The following DLGAP3 variants were observed in gnomAD, a reference collection of about 807,000 sequenced individuals.
DLGAP3 encodes disks large-associated protein 3.
In DLGAP3, 17 loss-of-function variants were observed where a neutral mutation model predicts 81.2. That is an observed-to-expected ratio of 0.21 (90% confidence interval 0.14 to 0.31). The LOEUF (loss-of-function observed/expected upper bound fraction) is 0.31, where lower values mean the gene tolerates loss of function less well. Among genes scored for constraint, DLGAP3 ranks in the 10% least tolerant of loss-of-function variants. The pLI is 1.00. For missense variants in DLGAP3, 1,124 were observed against 1,388.0 expected (o/e 0.81, Z 3.02); for synonymous variants, 577 against 587.4 (o/e 0.98, Z 0.26).
At chr1:34,884,246 G>A (rs992301639) in intron 8 of DLGAP3, among the ~76,000 whole-genome samples, 1 of 151,906 alleles carries the variant, frequency 6.6e-6, no homozygotes, top group South Asian at 2.1e-4. Context: ...TCCTCCAGTC[G>A]TATGGCCTGG....
intron 1 of DLGAP3, among the ~76,000 whole-genome samples, chr1:34,919,187 G>C (rs1639763918): frequency 6.6e-6 from 1 of 152,164 alleles, no homozygotes; most frequent in Admixed American, 6.5e-5. Flanking sequence ...GAGCCTGGAA[G>C]GGGCTCTATC....
At chr1:34,896,941 C>G (rs1489035332) in intron 5 of DLGAP3, among the ~76,000 whole-genome samples, 1 of 152,102 alleles carries the variant, frequency 6.6e-6, no homozygotes, top group Non-Finnish European at 1.5e-5. Flanking sequence ...AAGGGGTAAT[C>G]ACAGATAATC....
intron 8 of DLGAP3, among the ~76,000 whole-genome samples, chr1:34,878,267 A>G (rs1158648573): frequency 6.6e-6 from 1 of 152,102 alleles, no homozygotes; most frequent in Non-Finnish European, 1.5e-5. Context: ...GATCACGCCA[A>G]TGCACTCCAG....
At chr1:34,866,469 TC>T (rs1242987248) in intron 11 of DLGAP3, among the ~76,000 whole-genome samples, 168 bp from the exon 12 acceptor site, 4 of 152,076 alleles carry the variant, frequency 2.6e-5, no homozygotes, top group Non-Finnish European at 5.9e-5. Context: ...GTGCTCCTGT[TC>T]CGACAAGGTC....
chr1:34,883,789 A>C (rs1639180314), intron 8 of DLGAP3, among the ~76,000 whole-genome samples: 1 of 151,974 alleles, frequency 6.6e-6, no homozygotes, highest in Non-Finnish European at 1.5e-5. Flanking sequence ...TAGGAACACC[A>C]AAAAAACTTC....
At chr1:34,887,371 G>C (rs558696595) in intron 5 of DLGAP3, among the ~76,000 whole-genome samples, 92 of 150,662 alleles carry the variant, frequency 6.1e-4, no homozygotes, top group Non-Finnish European at 9.2e-4. Context: ...TTCTGGTTTT[G>C]TTTTTCGTAT....
chr1:34,928,388 G>A (rs572245305), intron 1 of DLGAP3, among the ~76,000 whole-genome samples: 12 of 152,134 alleles, frequency 7.9e-5, no homozygotes, highest in African/African-American at 2.7e-4. Flanking sequence ...AGCAGCACAC[G>A]CAGGCACATA....
chr1:34,869,007 T>A lies in DLGAP3; in HGVS notation c.2083A>T (p.Thr695Ser). ...AGGGCCTTGTCTTCTGTGGCCACCG[T>A]GGCCAGGCCTGCCAGGCCCTCCAGC... is the stretch of plus-strand genomic sequence containing the variant. The part of the protein sequence containing the change: ...LELEGLAGLA[T>S]VATEDKALQF... Residue 695 changes from threonine (T) to serine (S), a missense_variant, in exon 9 of 12, where the codon ACG becomes TCG. Around this residue, in one of 9 missense-constraint regions of DLGAP3, gnomAD observed 379 missense variants for 455.7 expected, o/e 0.83. Transcript: ENST00000373347. 6.2e-7 allele frequency: 1 copy of A among 1,605,144 alleles called. No homozygotes were observed. The highest frequency in any genetic ancestry group is 1.1e-5 in the South Asian group (1 of 90,836).
At chr1:34,874,930 TA>T (rs934235243) in intron 8 of DLGAP3, among the ~76,000 whole-genome samples, 1 of 151,990 alleles carries the variant, frequency 6.6e-6, no homozygotes, top group African/African-American at 2.4e-5. Context: ...TCTAAGAGCC[TA>T]AACATATAAT....
In DLGAP3 at chr1:34,873,813, CTGGT is replaced by C. The variant is rs149504598; in HGVS notation, c.2001-4728_2001-4725del. On this transcript the variant is annotated intron_variant, in intron 8 of 11. Transcript: ENST00000373347. The surrounding 1 kb of genome is among the most constrained non-coding windows in gnomAD (Gnocchi z 4.2). ...TCACTAAATAGGGCAGTTCATCACACTGGTTGGTTGGTTGGTTGGTTGGTTGGTT... is the reference window on the plus strand; with the variant it reads ...TCACTAAATAGGGCAGTTCATCACACTGGTTGGTTGGTTGGTTGGTTGGTT... 0.05 allele frequency among the ~76,000 whole-genome samples: 7,611 copies of C among 151,076 alleles called. 204 individuals are homozygous for C. Among genetic ancestry groups the C allele is most frequent in the Middle Eastern group, 0.089 (26 of 292 alleles).
At chr1:34,912,151 C>G (rs1006113576) in intron 1 of DLGAP3, among the ~76,000 whole-genome samples, 1 of 152,194 alleles carries the variant, frequency 6.6e-6, no homozygotes, top group African/African-American at 2.4e-5. Flanking sequence ...GCATATAAAT[C>G]CCTTAGAACT....
In DLGAP3 at chr1:34,867,294, C is replaced by A; in HGVS notation, c.2578-103G>T. The stretch of plus-strand genomic sequence containing the variant: ...CCACCCTTACTGCCAGGAAGCTCAG[C>A]CTGGGAGAGTGGGTGGGGGCTGGGA... On this transcript the variant is annotated intron_variant, in intron 10 of 11. Transcript: ENST00000373347. This position sits in a 1 kb window ranked among gnomAD's most constrained non-coding sequence, Gnocchi z 4.3. The A allele has an allele frequency of 6.5e-7, 1 of 1,539,272 alleles. No individual in the cohort carries two copies. The highest frequency in any genetic ancestry group is 8.9e-7 in the Non-Finnish European group (1 of 1,117,690).
Position 34,868,712 on chromosome 1 carries a change from C to T in DLGAP3, c.2378G>A (p.Arg793His), listed in dbSNP as rs1265217620. The T allele has an allele frequency of 3.1e-6, 5 of 1,610,862 alleles. No individual in the cohort carries two copies. Among genetic ancestry groups the T allele is most frequent in the Non-Finnish European group, 4.2e-6 (5 of 1,179,938 alleles). The change falls in exon 9 of 12, where the codon CGC becomes CAC. Residue 793 changes from arginine to histidine, a missense_variant. Coordinates refer to ENST00000373347, the MANE Select transcript of DLGAP3 (RefSeq NM_001080418.3). This position sits in a 1 kb window ranked among gnomAD's most constrained non-coding sequence, Gnocchi z 7.5. ...CATCTTGATGAACCACTCGCCGTCGCGTGGGCAGGGGGATGCGCGGCCTGA... is the reference window on the plus strand; with the variant it reads ...CATCTTGATGAACCACTCGCCGTCGTGTGGGCAGGGGGATGCGCGGCCTGA... ...PDSGRASPCP[R>H]DGEWFIKMLR...
intron 5 of DLGAP3, among the ~76,000 whole-genome samples, chr1:34,893,178 C>CAAAAA (rs58802413): frequency 4.7e-5 from 4 of 84,806 alleles, no homozygotes; most frequent in Non-Finnish European, 7.0e-5. Context: ...GACTCCGTCT[C>CAAAAA]AAAAAAAAAA....
chr1:34,866,237 T>C lies in DLGAP3; in HGVS notation c.2786A>G (p.Lys929Arg), dbSNP rs1024309598. The C allele has an allele frequency of 1.9e-6, 3 of 1,577,740 alleles. No individual in the cohort carries two copies. The highest frequency in any genetic ancestry group is 2.6e-6 in the Non-Finnish European group (3 of 1,165,126). ...KPLRGRGVPVKERSLDSVDRQ... is the reference protein window; with the variant it reads ...KPLRGRGVPVRERSLDSVDRQ... ...GTCCACGGAGTCCAGGGAGCGCTCC[T>C]TCACCGGCACGCCCCGGCCCCGCAG... The change falls in exon 12 of 12, where the codon AAG becomes AGG. Residue 929 changes from lysine (K) to arginine (R), a missense_variant. Lys to Arg is a conservative substitution (Grantham distance 26). Transcript: ENST00000373347.
At chr1:34,915,597 A>G (rs1639704870) in intron 1 of DLGAP3, among the ~76,000 whole-genome samples, 2 of 152,206 alleles carry the variant, frequency 1.3e-5, no homozygotes, top group South Asian at 4.1e-4. Flanking sequence ...TCTAGCAACA[A>G]GGCCTGAGCC....
chr1:34,921,841 G>C (rs916921954), intron 1 of DLGAP3, among the ~76,000 whole-genome samples: 1 of 152,212 alleles, frequency 6.6e-6, no homozygotes, highest in Admixed American at 6.5e-5. Flanking sequence ...GTATGTGCAT[G>C]CTGACAAATC....
chr1:34,911,515 G>A lies in DLGAP3; in HGVS notation c.-134-4078C>T, dbSNP rs758484006. Among the ~76,000 whole-genome samples the A allele has an allele frequency of 1.4e-4, 21 of 152,148 alleles. 1 individual carries two copies. The highest frequency in any genetic ancestry group is 3.6e-4 in the African/African-American group (15 of 41,438). ...TGCCCGAATGGTGAAGCTGGGGGCC[G>A]ACGGAAGCAGCCACTTTTGCAGTAG... On this transcript the variant is annotated intron_variant, in intron 1 of 11. Coordinates refer to ENST00000373347, the MANE Select transcript of DLGAP3 (RefSeq NM_001080418.3).
Position 34,866,122 on chromosome 1 carries a change from G to A in DLGAP3, c.2901C>T (p.Ser967=). The A allele has an allele frequency of 6.3e-7, 1 of 1,598,842 alleles. No individual in the cohort carries two copies. Among genetic ancestry groups the A allele is most frequent in the Non-Finnish European group, 8.5e-7 (1 of 1,178,960 alleles). ...GGGCCTCGGGGATGTAGATCTCGAT[G>A]CTGTCGGCGCTCTCGGTGGCCGAGC... ...RHSSATESAD[S]IEIYIPEAQT... is the part of the protein sequence containing the mutation. Residue 967 remains serine (S), a synonymous_variant, in exon 12 of 12, where the codon AGC becomes AGT. Coordinates refer to ENST00000373347, the MANE Select transcript of DLGAP3 (RefSeq NM_001080418.3).
Sources: allele counts gnomAD v4.1 joint callset (sites outside exome capture counted in the v4.1 genomes callset), GRCh38; gene constraint gnomAD v4.1.1; regional missense constraint gnomAD v4.1.1; non-coding constraint Gnocchi (gnomAD v3.1); transcripts MANE v1.5; gene names NCBI Gene and HGNC (gene_info 2026-07-23, HGNC 2026-07-21).